Variants in PPFIA2 observed in about 807,000 individuals in gnomAD.
PPFIA2 encodes the protein liprin-alpha-2.
A neutral mutation model predicts 175.5 loss-of-function variants in PPFIA2; 46 were observed. That is an observed-to-expected ratio of 0.26 (90% CI 0.21 to 0.34). PPFIA2 has a LOEUF of 0.34. Ranked by LOEUF, PPFIA2 falls within the 10% of genes least tolerant of loss-of-function variation. PPFIA2 has a pLI of 1.00. For missense variants in PPFIA2, 1,179 were observed against 1,506.1 expected (o/e 0.78, Z 3.60); for synonymous variants, 568 against 511.4 (o/e 1.11, Z -1.49).
intron 4 of PPFIA2, among the ~76,000 whole-genome samples, chr12:81,536,291 T>A (rs933631017): frequency 2.6e-5 from 4 of 151,668 alleles, no homozygotes. Context: ...TCAGTATAAT[T>A]TCCAAATTTC....
At chr12:81,482,149 A>C (rs1457607111) in intron 4 of PPFIA2, among the ~76,000 whole-genome samples, 1 of 152,188 alleles carries the variant, frequency 6.6e-6, no homozygotes, top group African/African-American at 2.4e-5. Flanking sequence ...GCTCATCATC[A>C]CTGTTCATTA....
At chr12:81,274,372 A>T (rs1307580372) in intron 28 of PPFIA2, among the ~76,000 whole-genome samples, 1 of 152,186 alleles carries the variant, frequency 6.6e-6, no homozygotes, top group Non-Finnish European at 1.5e-5. Context: ...TGTGGTCGTG[A>T]TATTTCTGCA....
intron 4 of PPFIA2, among the ~76,000 whole-genome samples, chr12:81,660,411 A>G (rs2068607137): frequency 6.6e-6 from 1 of 152,252 alleles, no homozygotes; most frequent in South Asian, 2.1e-4. Context: ...CACAAGCTTC[A>G]GTAGCTGATT....
intron 4 of PPFIA2, among the ~76,000 whole-genome samples, chr12:81,602,058 T>C (rs551717225): frequency 4.3e-4 from 65 of 151,976 alleles, no homozygotes; most frequent in African/African-American, 1.4e-3. Context: ...AAGTATTTTA[T>C]CAGTAATATT....
chr12:81,556,058 A>C (rs2068804782), intron 4 of PPFIA2, among the ~76,000 whole-genome samples: 2 of 151,956 alleles, frequency 1.3e-5, no homozygotes, highest in Admixed American at 1.3e-4. Flanking sequence ...ACTGGTCTGT[A>C]ACTAGCCATG....
intron 21 of PPFIA2, among the ~76,000 whole-genome samples, chr12:81,337,425 TA>T (rs1457124627): frequency 6.6e-6 from 1 of 152,158 alleles, no homozygotes; most frequent in African/African-American, 2.4e-5. Flanking sequence ...AATATAATAG[TA>T]ATTGAGTTAA....
chr12:81,522,429 GA>G (rs967344142), intron 4 of PPFIA2, among the ~76,000 whole-genome samples: 10 of 150,572 alleles, frequency 6.6e-5, no homozygotes, highest in East Asian at 3.9e-4. Context: ...TTCACTCTCT[GA>G]AAAAAAAAGT....
intron 2 of PPFIA2, 50 bp from the exon 3 acceptor site, chr12:81,754,273 T>C (rs1597244702): frequency 1.3e-6 from 2 of 1,533,586 alleles, no homozygotes; most frequent in Non-Finnish European, 1.8e-6. Flanking sequence ...TGATTTCCAA[T>C]AATTTCATTT....
chr12:81,525,089 A>C (rs1271920987), intron 4 of PPFIA2, among the ~76,000 whole-genome samples: 2 of 152,186 alleles, frequency 1.3e-5, no homozygotes, highest in Admixed American at 6.5e-5. Flanking sequence ...TAAGTTACCC[A>C]GTTCATGGTA....
At chr12:81,629,693 A>C (rs1190639982) in intron 4 of PPFIA2, among the ~76,000 whole-genome samples, 2 of 152,180 alleles carry the variant, frequency 1.3e-5, no homozygotes, top group Non-Finnish European at 2.9e-5. Context: ...CACTTGTCAC[A>C]GAACACTAAA....
At chr12:81,479,948 T>TAC (rs1393435141) in intron 4 of PPFIA2, among the ~76,000 whole-genome samples, 315 of 152,312 alleles carry the variant, frequency 2.1e-3, no homozygotes, top group African/African-American at 7.3e-3. Context: ...TTTGAATGTT[T>TAC]GGCCTGTCTT....
chr12:81,407,989 G>C (rs1280145673), intron 7 of PPFIA2, among the ~76,000 whole-genome samples: 1 of 152,046 alleles, frequency 6.6e-6, no homozygotes, highest in African/African-American at 2.4e-5. Context: ...TTCATATGAA[G>C]TAGCACATCA....
intron 3 of PPFIA2, among the ~76,000 whole-genome samples, chr12:81,705,415 C>T (rs1308054247): frequency 6.9e-6 from 1 of 144,772 alleles, no homozygotes; most frequent in Non-Finnish European, 1.5e-5. Flanking sequence ...GAGATTGCAC[C>T]ACTGCACTCC....
At chr12:81,446,717 C>G (rs1013285737) in intron 5 of PPFIA2, among the ~76,000 whole-genome samples, 19 of 152,172 alleles carry the variant, frequency 1.2e-4, no homozygotes, top group African/African-American at 4.3e-4. Flanking sequence ...GATTTAAAAA[C>G]AGATATAAGA....
At chr12:81,342,722 C>A (rs1233115978) in intron 19 of PPFIA2, among the ~76,000 whole-genome samples, 1 of 151,998 alleles carries the variant, frequency 6.6e-6, no homozygotes, top group Non-Finnish European at 1.5e-5. Context: ...AGTGTTTTCA[C>A]AGTTCTGTGA....
intron 4 of PPFIA2, among the ~76,000 whole-genome samples, chr12:81,464,561 T>C (rs947982272): frequency 1.3e-5 from 2 of 152,132 alleles, no homozygotes; most frequent in African/African-American, 4.8e-5. Flanking sequence ...TAGGTCAATA[T>C]GTTGTTCTTA....
chr12:81,696,265 T>C (rs1225458080), intron 3 of PPFIA2, among the ~76,000 whole-genome samples: 3 of 152,166 alleles, frequency 2.0e-5, no homozygotes, highest in Non-Finnish European at 2.9e-5. Context: ...GTAGCAGCAG[T>C]AGTAGACAGT....
At chr12:81,566,252 G>A (rs761334017) in intron 4 of PPFIA2, among the ~76,000 whole-genome samples, 8 of 152,046 alleles carry the variant, frequency 5.3e-5, no homozygotes, top group Non-Finnish European at 1.2e-4. Flanking sequence ...GGCCGGGCAC[G>A]GTGGCTCATG....
At chr12:81,391,084 C>A (rs1381024474) in intron 8 of PPFIA2, among the ~76,000 whole-genome samples, 1 of 151,852 alleles carries the variant, frequency 6.6e-6, no homozygotes, top group Non-Finnish European at 1.5e-5. Flanking sequence ...CAAGGCAATT[C>A]TATCAAGCAA....
Sources: gnomAD v4.1 joint callset for allele counts (sites outside exome capture counted in the v4.1 genomes callset) on GRCh38, gnomAD v4.1.1 for gene constraint, MANE v1.5 for transcripts, NCBI Gene and HGNC (gene_info 2026-07-23, HGNC 2026-07-21) for gene names.